Variants in GPATCH8 observed in about 807,000 individuals in gnomAD.
GPATCH8 encodes the protein G-patch domain containing 8.
Under a neutral mutation model 118.3 loss-of-function variants are expected in GPATCH8, and 18 were observed. The observed-to-expected ratio is 0.15, with a 90% CI of 0.11 to 0.23. The LOEUF is 0.23. Ranked by LOEUF, GPATCH8 falls within the 10% of genes least tolerant of loss-of-function variation. The pLI, the probability that GPATCH8 is intolerant of heterozygous loss-of-function variation, is 1.00. For missense variants in GPATCH8, 1,631 were observed against 1,873.8 expected (o/e 0.87, Z 2.39); for synonymous variants, 659 against 684.7 (o/e 0.96, Z 0.59).
chr17:44,463,324 A>G (rs1165582610), intron 3 of GPATCH8, among the ~76,000 whole-genome samples: 1 of 152,178 alleles, frequency 6.6e-6, no homozygotes, highest in African/African-American at 2.4e-5. Context: ...ACTTCTCCCC[A>G]AAGATGCCTA....
intron 2 of GPATCH8, among the ~76,000 whole-genome samples, chr17:44,469,659 G>A (rs1014629588): frequency 6.6e-6 from 1 of 152,152 alleles, no homozygotes; most frequent in African/African-American, 2.4e-5. Context: ...TGCTGATTGT[G>A]TATTAAAGAC....
chr17:44,452,774 C>A (rs997360994), intron 3 of GPATCH8, among the ~76,000 whole-genome samples: 19 of 151,936 alleles, frequency 1.3e-4, no homozygotes, highest in Admixed American at 1.0e-3. Context: ...CATTTTGGAA[C>A]CCTAAAAATA....
chr17:44,433,153 A>C (rs2050379512), intron 5 of GPATCH8, among the ~76,000 whole-genome samples: 1 of 152,158 alleles, frequency 6.6e-6, no homozygotes, highest in African/African-American at 2.4e-5. Flanking sequence ...CCAGGGAGAG[A>C]GCATCTCAAG....
At chr17:44,473,827 A>AAC (rs1244616409) in intron 2 of GPATCH8, 2 of 152,256 alleles carry the variant, frequency 1.3e-5, no homozygotes, top group Non-Finnish European at 2.9e-5. Context: ...CACACATACA[A>AAC]ACACACACAA....
chr17:44,433,428 A>G (rs2050389320), intron 5 of GPATCH8, among the ~76,000 whole-genome samples: 1 of 152,218 alleles, frequency 6.6e-6, no homozygotes, highest in Non-Finnish European at 1.5e-5. Context: ...TCTCTCCTCA[A>G]TGCCCTTTCT....
chr17:44,475,282 A>C (rs1296174206), intron 1 of GPATCH8, among the ~76,000 whole-genome samples: 1 of 151,800 alleles, frequency 6.6e-6, no homozygotes, highest in Non-Finnish European at 1.5e-5. Flanking sequence ...CAGGAGGCTG[A>C]GGCAGGAGAA....
At chr17:44,409,605 C>A (rs12603993) in intron 6 of GPATCH8, among the ~76,000 whole-genome samples, 2 of 151,952 alleles carry the variant, frequency 1.3e-5, no homozygotes, top group African/African-American at 4.8e-5. Flanking sequence ...TGTAAAGCAT[C>A]GGAGTCAGAA....
intron 5 of GPATCH8, among the ~76,000 whole-genome samples, chr17:44,433,414 A>T (rs1026378032): frequency 1.7e-4 from 26 of 152,140 alleles, no homozygotes; most frequent in African/African-American, 6.3e-4. Context: ...AAATAGACAT[A>T]CTCTCTCTCC....
At chr17:44,479,091 G>A (rs549553660) in intron 1 of GPATCH8, among the ~76,000 whole-genome samples, 1 of 152,228 alleles carries the variant, frequency 6.6e-6, no homozygotes, top group African/African-American at 2.4e-5. Flanking sequence ...TATCAAAGAT[G>A]ACATTTAAAG....
chr17:44,468,800 AGTC>A (rs1967033689), intron 2 of GPATCH8, among the ~76,000 whole-genome samples: 1 of 152,104 alleles, frequency 6.6e-6, no homozygotes, highest in African/African-American at 2.4e-5. Context: ...TTTCTTCTAA[AGTC>A]AACTTGATAT....
At chr17:44,490,730 TC>T (rs1374442099) in intron 1 of GPATCH8, among the ~76,000 whole-genome samples, 1 of 151,996 alleles carries the variant, frequency 6.6e-6, no homozygotes, top group Non-Finnish European at 1.5e-5. Flanking sequence ...GCCTCCACTC[TC>T]AAAAAAAACT....
At position 44,399,560 on chromosome 17, in the gene GPATCH8, T is replaced by TTCC; in HGVS notation, c.2514_2516dup (p.Glu843dup). ...CACTGCCTGAATCTTCCTCTTCTTC[T>TTCC]TCCTCACTGTACTGGGATGGAGACT... On this transcript the variant is annotated inframe_insertion, in exon 8 of 8. Coordinates refer to ENST00000591680, the MANE Select transcript of GPATCH8 (RefSeq NM_001002909.4). The TTCC allele has an allele frequency of 6.2e-7, 1 of 1,614,112 alleles. No individual in the cohort carries two copies. Among genetic ancestry groups the TTCC allele is most frequent in the Non-Finnish European group, 8.5e-7 (1 of 1,180,006 alleles).
Position 44,437,532 on chromosome 17 carries a change from T to C in GPATCH8, c.194-987A>G, listed in dbSNP as rs8081935. ...ATTTCACTCAGGCTGGTGTAAACAA[T>C]TGGTTTTTTTGGTTGTGTTGTTGTT... On this transcript the variant is annotated intron_variant, in intron 3 of 7. Transcript: ENST00000591680. Among the ~76,000 whole-genome samples, 281 of 152,256 alleles carry C rather than the reference T, an allele frequency of 1.8e-3. 1 individual carries two copies. The highest frequency in any genetic ancestry group is 6.5e-3 in the African/African-American group (271 of 41,544).
chr17:44,496,315 G>A (rs924793361), intron 1 of GPATCH8, among the ~76,000 whole-genome samples: 2 of 152,120 alleles, frequency 1.3e-5, no homozygotes, highest in Non-Finnish European at 2.9e-5. Context: ...CTATAAGACA[G>A]GTACTGACTT....
At chr17:44,453,500 G>GTGTGTGTGTGTGTGT (rs1568011427) in intron 3 of GPATCH8, among the ~76,000 whole-genome samples, 28 of 142,776 alleles carry the variant, frequency 2.0e-4, no homozygotes, top group African/African-American at 5.1e-4. Flanking sequence ...GGTAGGTAGG[G>GTGTGTGTGTGTGTGT]GTGTGTGTGT....
At chr17:44,433,480 T>G (rs75226164) in intron 5 of GPATCH8, among the ~76,000 whole-genome samples, 2,108 of 152,262 alleles carry the variant, frequency 0.014, 52 homozygotes, top group African/African-American at 0.048. Flanking sequence ...GAATAAAAAT[T>G]TATAATTACA....
intron 1 of GPATCH8, chr17:44,486,957 CATTT>C (rs1228614712): frequency 2.0e-5 from 3 of 151,890 alleles, no homozygotes; most frequent in African/African-American, 2.4e-5. Flanking sequence ...GCATCCTGCA[CATTT>C]ATTATAATAC....
intron 3 of GPATCH8, among the ~76,000 whole-genome samples, chr17:44,437,963 A>AGC (rs1189343887): frequency 2.1e-5 from 3 of 145,866 alleles, no homozygotes; most frequent in Non-Finnish European, 4.6e-5. Flanking sequence ...AAAAAAACAA[A>AGC]ACAACAACTT....
At chr17:44,446,230 G>T (rs781782177) in intron 3 of GPATCH8, among the ~76,000 whole-genome samples, 1 of 152,070 alleles carries the variant, frequency 6.6e-6, no homozygotes, top group African/African-American at 2.4e-5. Context: ...GATTACAGGT[G>T]TGAGTCACCA....
Sources: allele counts gnomAD v4.1 joint callset (sites outside exome capture counted in the v4.1 genomes callset), GRCh38; gene constraint gnomAD v4.1.1; transcripts MANE v1.5; gene names NCBI Gene and HGNC (gene_info 2026-07-23, HGNC 2026-07-21).